Variants in MED13L observed in about 807,000 individuals in gnomAD.
The protein encoded by MED13L is mediator of RNA polymerase II transcription subunit 13-like.
A neutral mutation model predicts 220.9 loss-of-function variants in MED13L; 7 were observed. The ratio of observed to expected loss-of-function variants is 0.03; its 90% CI spans 0.02 to 0.06. The LOEUF (loss-of-function observed/expected upper bound fraction) is 0.06. Among genes scored for constraint, MED13L ranks in the 10% least tolerant of loss-of-function variants. The pLI is 1.00. For synonymous variants in MED13L, 1,011 were observed against 1,015.2 expected, an observed-to-expected ratio of 1.00 and a Z score of 0.08; for missense variants, 1,965 against 2,760.5, an observed-to-expected ratio of 0.71 and a Z score of 6.46.
At chr12:116,246,191 G>A (rs1871081077) in intron 1 of MED13L, among the ~76,000 whole-genome samples, 2 of 147,714 alleles carry the variant, frequency 1.4e-5, no homozygotes, top group African/African-American at 2.5e-5. Flanking sequence ...GAGAATAAAC[G>A]CATTTTTAGA....
At chr12:116,035,778 A>G in intron 4 of MED13L, among the ~76,000 whole-genome samples, 1 of 151,870 alleles carries the variant, frequency 6.6e-6, no homozygotes, top group East Asian at 1.9e-4. Flanking sequence ...TTTGGTAGAG[A>G]CGGGGTTTTG....
chr12:116,184,931 C>G (rs539588435), intron 2 of MED13L, among the ~76,000 whole-genome samples: 122 of 152,172 alleles, frequency 8.0e-4, no homozygotes, highest in African/African-American at 2.9e-3. Flanking sequence ...TCACAAGGAT[C>G]CAGTGTTTGG....
chr12:115,994,653 TGAAA>T (rs1878283086), intron 16 of MED13L, among the ~76,000 whole-genome samples: 1 of 152,198 alleles, frequency 6.6e-6, no homozygotes, highest in Non-Finnish European at 1.5e-5. Context: ...CCTGTATGTA[TGAAA>T]GAGATTAAAC....
At chr12:116,167,009 C>T (rs1879329686) in intron 2 of MED13L, among the ~76,000 whole-genome samples, 1 of 151,912 alleles carries the variant, frequency 6.6e-6, no homozygotes, top group Non-Finnish European at 1.5e-5. Context: ...AGTATGAAGA[C>T]AAAATTCTTC....
intron 2 of MED13L, among the ~76,000 whole-genome samples, chr12:116,137,703 C>T (rs1440445741): frequency 2.6e-5 from 4 of 152,028 alleles, no homozygotes; most frequent in Admixed American, 6.6e-5. Flanking sequence ...GCAGACTGCA[C>T]CCAGCGTTAT....
intron 1 of MED13L, among the ~76,000 whole-genome samples, chr12:116,265,967 T>C (rs916129459): frequency 1.3e-5 from 2 of 152,218 alleles, no homozygotes; most frequent in African/African-American, 4.8e-5. Flanking sequence ...TTATCAGATA[T>C]TATGCGGTCC....
chr12:116,268,568 T>C (rs1209418898), intron 1 of MED13L, among the ~76,000 whole-genome samples: 9 of 152,030 alleles, frequency 5.9e-5, no homozygotes, highest in Non-Finnish European at 7.4e-5. Context: ...GGAGGATCAT[T>C]TGAGGCCAGG....
chr12:116,268,176 A>C (rs1217836621), intron 1 of MED13L, among the ~76,000 whole-genome samples: 1 of 151,186 alleles, frequency 6.6e-6, no homozygotes, highest in African/African-American at 2.4e-5. Flanking sequence ...TCAGAGGTAC[A>C]CAGAGGGAGG....
intron 2 of MED13L, among the ~76,000 whole-genome samples, chr12:116,114,866 C>T (rs1253915432): frequency 6.6e-6 from 1 of 152,056 alleles, no homozygotes; most frequent in Non-Finnish European, 1.5e-5. Context: ...AGCACCAAAA[C>T]CCATAAAATC....
intron 2 of MED13L, among the ~76,000 whole-genome samples, chr12:116,158,954 G>C (rs558107923): frequency 2.4e-4 from 37 of 152,112 alleles, no homozygotes; most frequent in Non-Finnish European, 5.0e-4. Flanking sequence ...AATTTAAAAA[G>C]AACTGGCTCA....
chr12:115,979,926 A>G (rs1041952500), intron 23 of MED13L, among the ~76,000 whole-genome samples: 2 of 152,236 alleles, frequency 1.3e-5, no homozygotes, highest in African/African-American at 4.8e-5. Flanking sequence ...AGATCCACAC[A>G]TATCTGTAGG....
At chr12:116,143,281 G>C (rs1877230926) in intron 2 of MED13L, among the ~76,000 whole-genome samples, 1 of 151,636 alleles carries the variant, frequency 6.6e-6, no homozygotes, top group African/African-American at 2.4e-5. Flanking sequence ...GGCCGAGGCA[G>C]GGCAGGGGTG....
At chr12:116,259,146 A>G (rs1162720372) in intron 1 of MED13L, among the ~76,000 whole-genome samples, 2 of 152,240 alleles carry the variant, frequency 1.3e-5, no homozygotes, top group Non-Finnish European at 2.9e-5. Flanking sequence ...AAACAATAGT[A>G]CATCCATCTT....
Position 116,277,096 on chromosome 12 carries a change from C to T in MED13L, c.36G>A (p.Ala12=), listed in dbSNP as rs562987588. 1.9e-4 allele frequency: 300 copies of T among 1,591,278 alleles called. 1 individual carries two copies. The highest frequency in any genetic ancestry group is 1.8e-3 in the South Asian group (155 of 87,752). The change falls in exon 1 of 31, where the codon GCG becomes GCA. Residue 12 remains alanine (A), a synonymous_variant. Transcript: ENST00000281928. ...GGTTGGAGTGACAATCCTCCAGGCT[C>T]GCCCCGTTCGCCACCCAGTTCGCTG... ...TAAANWVANG[A]SLEDCHSNLF... is the part of the protein sequence containing the mutation.
chr12:116,212,461 A>T (rs1882757489), intron 2 of MED13L, among the ~76,000 whole-genome samples: 1 of 152,198 alleles, frequency 6.6e-6, no homozygotes, highest in Admixed American at 6.5e-5. Context: ...TCAATCCCAC[A>T]ATTTTATTTT....
At position 116,225,373 on chromosome 12, in the gene MED13L, C is replaced by A. The variant is rs76656168; in HGVS notation, c.310+12095G>T. 6.6e-3 allele frequency among the ~76,000 whole-genome samples: 1,011 copies of A among 152,206 alleles called. 9 individuals are homozygous for A. The highest frequency in any genetic ancestry group is 0.023 in the African/African-American group (949 of 41,532). ...ACCATAGTGATGAGGATAACTGCTC[C>A]CAGCCACCTCTGCTACCCAAATCAA... On this transcript the variant is annotated intron_variant, in intron 2 of 30. Transcript: ENST00000281928.
intron 7 of MED13L, among the ~76,000 whole-genome samples, chr12:116,016,628 G>A (rs914984155): frequency 6.6e-6 from 1 of 152,188 alleles, no homozygotes; most frequent in African/African-American, 2.4e-5. Context: ...GAAAAGAAAA[G>A]AGTAGGGAGA....
At chr12:116,151,039 G>A (rs551535345) in intron 2 of MED13L, among the ~76,000 whole-genome samples, 21 of 152,100 alleles carry the variant, frequency 1.4e-4, no homozygotes, top group African/African-American at 5.1e-4. Flanking sequence ...ACTCCCCAGA[G>A]GTCTATCACA....
At chr12:116,009,647 A>T (rs1035793058) in intron 9 of MED13L, among the ~76,000 whole-genome samples, 37 of 152,244 alleles carry the variant, frequency 2.4e-4, no homozygotes, top group Non-Finnish European at 1.5e-5. Flanking sequence ...TTCAATCCTA[A>T]GAACATTTAA....
Sources: allele counts gnomAD v4.1 joint callset (sites outside exome capture counted in the v4.1 genomes callset), GRCh38; gene constraint gnomAD v4.1.1; transcripts MANE v1.5; gene names NCBI Gene and HGNC (gene_info 2026-07-23, HGNC 2026-07-21).